The following GNB4 variants were observed in gnomAD, a reference collection of about 807,000 sequenced individuals.
GNB4 encodes guanine nucleotide-binding protein subunit beta-4.
Under a neutral mutation model 45.2 loss-of-function variants are expected in GNB4, and 28 were observed. That is an observed-to-expected ratio of 0.62 (90% confidence interval 0.46 to 0.85). The LOEUF is 0.85. Among genes scored for constraint, GNB4 ranks in the 40% least tolerant of loss-of-function variants. GNB4 has a pLI of 0.00. For missense variants in GNB4, 321 were observed against 425.4 expected (o/e 0.75, Z 2.16); for synonymous variants, 132 against 143.7 (o/e 0.92, Z 0.58).
At chr3:179,511,016 G>A in the GNB4 span, among the ~76,000 whole-genome samples, 219 of 152,248 alleles carry the variant, frequency 1.4e-3, no homozygotes, top group Admixed American at 3.5e-3. Context: ...ACACAGATGC[G>A]TGATAAACCC....
intron 2 of GNB4, among the ~76,000 whole-genome samples, chr3:179,423,207 G>A (rs1315144431): frequency 6.6e-6 from 1 of 152,134 alleles, no homozygotes; most frequent in Non-Finnish European, 1.5e-5. Context: ...CTGCGCCCAC[G>A]ACATTGTGCT....
chr3:179,498,295 AGAGT>A, the GNB4 span, among the ~76,000 whole-genome samples: 1 of 152,236 alleles, frequency 6.6e-6, no homozygotes, highest in Non-Finnish European at 1.5e-5. Context: ...TATGAAAGCA[AGAGT>A]GAGAGCAGGA....
intron 2 of GNB4, among the ~76,000 whole-genome samples, chr3:179,421,911 G>A (rs1183733973): frequency 2.0e-5 from 3 of 152,206 alleles, no homozygotes; most frequent in African/African-American, 7.2e-5. Flanking sequence ...TTCCAGAAAT[G>A]ACAGTGATGG....
chr3:179,496,355 T>C, the GNB4 span, among the ~76,000 whole-genome samples: 3 of 151,718 alleles, frequency 2.0e-5, no homozygotes, highest in African/African-American at 4.8e-5. Context: ...AGCATATCAC[T>C]AGAAAAAACA....
the GNB4 span, among the ~76,000 whole-genome samples, chr3:179,458,689 T>C: frequency 1.3e-5 from 2 of 152,222 alleles, no homozygotes; most frequent in Admixed American, 1.3e-4. Context: ...ATACCTGTGA[T>C]ACAATATAAA....
chr3:179,520,793 C>T, the GNB4 span, among the ~76,000 whole-genome samples: 1 of 152,056 alleles, frequency 6.6e-6, no homozygotes, highest in Non-Finnish European at 1.5e-5. Context: ...ACTCCATTTC[C>T]CCAAATTTCC....
chr3:179,407,057 G>A (rs1353155629), intron 8 of GNB4, among the ~76,000 whole-genome samples: 1 of 152,142 alleles, frequency 6.6e-6, no homozygotes, highest in Non-Finnish European at 1.5e-5. Context: ...ACAGTGATTG[G>A]ATTTGCTCCA....
the GNB4 span, among the ~76,000 whole-genome samples, chr3:179,496,357 G>GA: frequency 2.0e-5 from 3 of 151,644 alleles, no homozygotes; most frequent in Non-Finnish European, 4.4e-5. Context: ...CATATCACTA[G>GA]AAAAAACAAA....
At chr3:179,514,040 T>C in the GNB4 span, among the ~76,000 whole-genome samples, 1 of 152,162 alleles carries the variant, frequency 6.6e-6, no homozygotes. Context: ...AGGATTACAG[T>C]GATGACAAGG....
the GNB4 span, among the ~76,000 whole-genome samples, chr3:179,502,933 G>A: frequency 6.6e-6 from 1 of 152,204 alleles, no homozygotes; most frequent in Non-Finnish European, 1.5e-5. Context: ...TCAAACCCCT[G>A]GGTTCAAGCC....
chr3:179,479,579 TG>T, the GNB4 span, among the ~76,000 whole-genome samples: 1 of 152,136 alleles, frequency 6.6e-6, no homozygotes, highest in Non-Finnish European at 1.5e-5. Flanking sequence ...ATGCCTTAAT[TG>T]CAAAGAGAAA....
chr3:179,525,418 C>T, the GNB4 span, among the ~76,000 whole-genome samples: 1 of 152,134 alleles, frequency 6.6e-6, no homozygotes, highest in East Asian at 1.9e-4. Context: ...GAAGGTTGCC[C>T]ATAGTGAAGG....
chr3:179,445,459 A>AT (rs1243739101), intron 1 of GNB4, among the ~76,000 whole-genome samples: 1 of 151,708 alleles, frequency 6.6e-6, no homozygotes. Context: ...TAATTTTTGT[A>AT]TTTTTTTGTA....
At chr3:179,427,270 A>G (rs1221502940) in intron 1 of GNB4, among the ~76,000 whole-genome samples, 1 of 151,992 alleles carries the variant, frequency 6.6e-6, no homozygotes, top group Non-Finnish European at 1.5e-5. Context: ...ACTCAACACC[A>G]TCAGCATGTA....
At chr3:179,520,121 T>C in the GNB4 span, among the ~76,000 whole-genome samples, 3 of 145,640 alleles carry the variant, frequency 2.1e-5, no homozygotes, top group African/African-American at 7.8e-5. Context: ...CATGCTTTCT[T>C]TACTATTCCT....
intron 1 of GNB4, among the ~76,000 whole-genome samples, chr3:179,445,296 CTTTTTT>C (rs898687039): frequency 6.6e-6 from 1 of 151,898 alleles, no homozygotes; most frequent in Non-Finnish European, 1.5e-5. Context: ...TCCTTTCTTT[CTTTTTT>C]TAAGACAGGG....
intron 1 of GNB4, among the ~76,000 whole-genome samples, chr3:179,439,602 T>C (rs568767015): frequency 2.0e-3 from 308 of 152,236 alleles, no homozygotes; most frequent in Admixed American, 2.7e-3. Context: ...CGTGGGGACA[T>C]AGGACAGGAC....
At chr3:179,423,080 C>T (rs1234911418) in intron 2 of GNB4, among the ~76,000 whole-genome samples, 1 of 152,094 alleles carries the variant, frequency 6.6e-6, no homozygotes, top group Admixed American at 6.6e-5. Context: ...TGTGAGCCAC[C>T]GTGCCCAGCC....
the GNB4 span, among the ~76,000 whole-genome samples, chr3:179,525,218 G>C: frequency 6.6e-6 from 1 of 152,138 alleles, no homozygotes; most frequent in Non-Finnish European, 1.5e-5. Context: ...AATTCATCCA[G>C]GTCTTGTAAA....
Sources: gnomAD v4.1 joint callset for allele counts (sites outside exome capture counted in the v4.1 genomes callset) on GRCh38, gnomAD v4.1.1 for gene constraint, MANE v1.5 for transcripts, NCBI Gene and HGNC (gene_info 2026-07-23, HGNC 2026-07-21) for gene names.